OPHN1: variants seen among roughly 807,000 people sequenced by gnomAD.
OPHN1 encodes the protein oligophrenin-1.
Under a neutral mutation model 60.7 loss-of-function variants are expected in OPHN1, and 11 were observed. The ratio of observed to expected loss-of-function variants is 0.18; its 90% confidence interval spans 0.11 to 0.30. The LOEUF is 0.30. OPHN1 is among the 10% of genes least tolerant of loss of function. The pLI is 1.00. For missense variants in OPHN1, 449 were observed against 611.0 expected, an observed-to-expected ratio of 0.73 and a Z score of 2.80; for synonymous variants, 226 against 222.6, an observed-to-expected ratio of 1.02 and a Z score of -0.14.
intron 2 of OPHN1, among the ~76,000 whole-genome samples, chrX:68,368,542 CA>C (rs201903885): frequency 9.4e-6 from 1 of 105,962 alleles, no homozygotes; most frequent in Non-Finnish European, 1.9e-5. Context: ...ACCCCCATCT[CA>C]AAAAAAAACG....
intron 19 of OPHN1, among the ~76,000 whole-genome samples, chrX:68,077,679 A>G (rs1170682257): frequency 8.9e-6 from 1 of 112,423 alleles, no homozygotes; most frequent in Non-Finnish European, 1.9e-5. Flanking sequence ...TAAATTGTTA[A>G]CAATCACAAT....
intron 3 of OPHN1, among the ~76,000 whole-genome samples, chrX:68,294,044 C>T (rs1204342790): frequency 9.0e-6 from 1 of 111,617 alleles, no homozygotes; most frequent in Admixed American, 9.5e-5. Context: ...AGTTATCCAC[C>T]TCCTTTAATA....
At chrX:68,125,954 T>TATATATATATATATATGTATAC (rs1262640434) in intron 15 of OPHN1, among the ~76,000 whole-genome samples, 1 of 55,824 alleles carries the variant, frequency 1.8e-5, no homozygotes, top group Non-Finnish European at 3.5e-5. Context: ...TATATATATA[T>TATATATATATATATATGTATAC]ATACATACAC....
chrX:68,428,352 G>C (rs1403394474), intron 2 of OPHN1, among the ~76,000 whole-genome samples: 2 of 112,322 alleles, frequency 1.8e-5, no homozygotes, highest in East Asian at 5.6e-4. Context: ...ACCCAACTCT[G>C]ATGGTGCTTC....
rs181594331 is a variant in OPHN1 at position 68,362,186 on chromosome X, G to C, written c.155-63090C>G. Among the ~76,000 whole-genome samples, 244 of 112,079 alleles carry C rather than the reference G, an allele frequency of 2.2e-3. 2 individuals are homozygous for C. The highest frequency in any genetic ancestry group is 9.3e-3 in the South Asian group (25 of 2,683). ...TCATAAGTTGTCTCCTCATTCTGTT[G>C]ATTGTGTTCTTGCTATGGAAATCCT... On this transcript the variant is annotated intron_variant, in intron 2 of 24. Coordinates refer to ENST00000355520, the MANE Select transcript of OPHN1 (RefSeq NM_002547.3).
chrX:68,115,357 C>T (rs2077122523), intron 16 of OPHN1, among the ~76,000 whole-genome samples: 1 of 111,866 alleles, frequency 8.9e-6, no homozygotes, highest in South Asian at 3.7e-4. Context: ...AGTTTTATTT[C>T]CTGGTCCCTG....
At chrX:68,181,551 A>C (rs1232325748) in intron 15 of OPHN1, among the ~76,000 whole-genome samples, 3 of 111,433 alleles carry the variant, frequency 2.7e-5, no homozygotes, top group Non-Finnish European at 5.6e-5. Context: ...TAGGCCAGGA[A>C]TGGTGGTTCA....
At chrX:68,312,846 T>C (rs5965542) in intron 2 of OPHN1, among the ~76,000 whole-genome samples, 9,079 of 111,094 alleles carry the variant, frequency 0.082, 925 homozygotes, top group African/African-American at 0.28. Flanking sequence ...TGGCTCATGC[T>C]TATAATCCCA....
At chrX:68,187,425 C>T (rs1414570587) in intron 15 of OPHN1, among the ~76,000 whole-genome samples, 2 of 107,794 alleles carry the variant, frequency 1.9e-5, no homozygotes, top group Non-Finnish European at 3.8e-5. Flanking sequence ...ATGAGAGGGA[C>T]TCTGCCTGGT....
intron 7 of OPHN1, 134 bp downstream of exon 7, chrX:68,213,728 T>C: frequency 2.1e-6 from 1 of 476,508 alleles, no homozygotes; most frequent in South Asian, 3.3e-5. Flanking sequence ...AAAACGTAAG[T>C]TAGACTACGT....
chrX:68,244,632 A>C (rs2077796895), intron 5 of OPHN1, among the ~76,000 whole-genome samples: 1 of 112,482 alleles, frequency 8.9e-6, no homozygotes, highest in Non-Finnish European at 1.9e-5. Flanking sequence ...AGAATACTGG[A>C]TCAACTCCTT....
chrX:68,059,718 A>T (rs1178372406), intron 21 of OPHN1, among the ~76,000 whole-genome samples: 1 of 111,718 alleles, frequency 9.0e-6, no homozygotes, highest in Non-Finnish European at 1.9e-5. Context: ...AGGCCTTACA[A>T]GCCCAAAAGC....
chrX:68,267,055 T>C (rs2077933486), intron 5 of OPHN1, among the ~76,000 whole-genome samples: 2 of 111,513 alleles, frequency 1.8e-5, no homozygotes, highest in South Asian at 7.6e-4. Context: ...AGAAAGAGAC[T>C]TAGACTCCCA....
chrX:68,254,837 T>C (rs990638493), intron 5 of OPHN1, among the ~76,000 whole-genome samples: 1 of 108,770 alleles, frequency 9.2e-6, no homozygotes, highest in Non-Finnish European at 1.9e-5. Flanking sequence ...GGCAACATGG[T>C]GAAACCCCGT....
intron 15 of OPHN1, among the ~76,000 whole-genome samples, chrX:68,138,484 G>A (rs1432419955): frequency 9.0e-6 from 1 of 111,653 alleles, no homozygotes; most frequent in Non-Finnish European, 1.9e-5. Flanking sequence ...GACTATATGG[G>A]CTGCTACATA....
intron 9 of OPHN1, 77 bp downstream of exon 9, chrX:68,210,076 C>T (rs1391300616): frequency 8.8e-7 from 1 of 1,132,609 alleles, no homozygotes; most frequent in African/African-American, 1.8e-5. Flanking sequence ...GTAAGGGTGC[C>T]CAAAATTCAC....
intron 4 of OPHN1, among the ~76,000 whole-genome samples, chrX:68,277,483 T>G (rs1373594966): frequency 8.9e-6 from 1 of 111,798 alleles, no homozygotes; most frequent in African/African-American, 3.3e-5. Flanking sequence ...GAAAGACAAT[T>G]TGCAGTTTAA....
intron 18 of OPHN1, among the ~76,000 whole-genome samples, chrX:68,099,927 C>T (rs1175974205): frequency 5.4e-5 from 6 of 111,661 alleles, no homozygotes; most frequent in Admixed American, 4.8e-4. Context: ...TTTTAGGTCT[C>T]GCCCAGCTTT....
At chrX:68,125,950 T>TAC (rs2077169074) in intron 15 of OPHN1, among the ~76,000 whole-genome samples, 1 of 70,611 alleles carries the variant, frequency 1.4e-5, no homozygotes, top group Non-Finnish European at 2.6e-5. Flanking sequence ...TATATATATA[T>TAC]ATATATACAT....
Sources: gnomAD v4.1 joint callset for allele counts (sites outside exome capture counted in the v4.1 genomes callset) on GRCh38, gnomAD v4.1.1 for gene constraint, MANE v1.5 for transcripts, NCBI Gene and HGNC (gene_info 2026-07-23, HGNC 2026-07-21) for gene names.